PRH1: variants seen among roughly 807,000 people sequenced by gnomAD.
PRH1 encodes the protein proline rich protein HaeIII subfamily 1.
PRH1 carries 7 observed loss-of-function variants against 7.9 expected under a neutral mutation model. That is an observed-to-expected ratio of 0.89 (90% CI 0.50 to 1.67). The LOEUF is 1.67. Ranked by LOEUF, PRH1 falls within the 40% of genes most tolerant of loss-of-function variation. PRH1 has a pLI of 0.00. For synonymous variants in PRH1, 45 were observed against 80.8 expected (o/e 0.56, Z 2.38); for missense variants, 109 against 223.6 (o/e 0.49, Z 3.27).
At chr12:11,022,287 G>A in intron 1 of PRH1, 1 of 1,614,182 alleles carries the variant, frequency 6.2e-7, no homozygotes, top group Non-Finnish European at 8.5e-7. Context: ...CAAGCCACAT[G>A]CTGAAATGGT....
At position 10,941,200 on chromosome 12, in the gene PRH1, C is replaced by T. The variant is rs540449205; in HGVS notation, c.-59+32455G>A. Among the ~76,000 whole-genome samples the T allele has an allele frequency of 4.6e-5, 7 of 152,268 alleles. No individual in the cohort carries two copies. The South Asian group carries it at 8.3e-4, about 18-fold the overall frequency. ...TACTTTGAAAAGAGAGCAGAGCTCA[C>T]GTCTCCAGTGAGAGCTACAATAACC... On this transcript the variant is annotated intron_variant, in intron 2 of 3. Coordinates refer to the PRH1 transcript ENST00000539853.
upstream of PRH1, chr12:11,048,464 G>A: frequency 2.6e-6 from 1 of 389,578 alleles, no homozygotes; most frequent in Admixed American, 3.1e-5. Context: ...CCAAGAGTTT[G>A]GTAAAGCAGG....
chr12:11,168,368 AAAAGAAAGAAAGAAAG>A (rs199864169), intron 1 of PRH1, among the ~76,000 whole-genome samples: 4,188 of 36,032 alleles, frequency 0.12, 1,035 homozygotes, highest in Middle Eastern at 0.15. Context: ...GAAAAGAAAG[AAAAGAAAGAAAGAAAG>A]AAAGAAAGAA....
At chr12:11,006,544 G>T (rs1374756939) in intron 1 of PRH1, among the ~76,000 whole-genome samples, 2 of 151,678 alleles carry the variant, frequency 1.3e-5, no homozygotes, top group African/African-American at 4.8e-5. Flanking sequence ...CACCAAGCCT[G>T]CTAATTTTAA....
intron 1 of PRH1, among the ~76,000 whole-genome samples, chr12:11,080,425 T>C (rs1372590690): frequency 1.7e-5 from 2 of 117,044 alleles, no homozygotes; most frequent in Non-Finnish European, 4.1e-5. Flanking sequence ...TTATGAATAA[T>C]GCTACAATGA....
At chr12:10,917,567 A>G (rs1271125945) in intron 2 of PRH1, among the ~76,000 whole-genome samples, 1 of 152,186 alleles carries the variant, frequency 6.6e-6, no homozygotes, top group Non-Finnish European at 1.5e-5. Flanking sequence ...ATAACTTTCC[A>G]TATTCAAAAG....
At chr12:10,989,528 A>C (rs1939823661) in intron 1 of PRH1, among the ~76,000 whole-genome samples, 4 of 152,198 alleles carry the variant, frequency 2.6e-5, no homozygotes, top group Admixed American at 2.6e-4. Flanking sequence ...TTCCGAATTT[A>C]AATTAACTAA....
At chr12:10,931,057 C>T (rs1258093581) in intron 2 of PRH1, 4 of 1,580,212 alleles carry the variant, frequency 2.5e-6, no homozygotes, top group Non-Finnish European at 2.6e-6. Context: ...GCAGTCTCCT[C>T]AGTAATCTAG....
At chr12:11,099,256 C>A (rs1476008975) in intron 1 of PRH1, among the ~76,000 whole-genome samples, 1 of 152,088 alleles carries the variant, frequency 6.6e-6, no homozygotes, top group Non-Finnish European at 1.5e-5. Flanking sequence ...CTTCCTCTTT[C>A]CATTTACCAT....
intron 2 of PRH1, among the ~76,000 whole-genome samples, chr12:10,913,481 A>G (rs540745405): frequency 6.6e-6 from 1 of 152,268 alleles, no homozygotes; most frequent in South Asian, 2.1e-4. Context: ...TTTAGTATAT[A>G]TTAAAATGAT....
In PRH1 at chr12:10,882,478, AG is replaced by A; in HGVS notation, c.320del (p.Pro107LeufsTer90). ...GTGGTCCTTGTGGCTTTCCCTGAGG[AG>A]GTGGTGGACCTTGTTGCTGCTGGCC... Reference protein sequence around the residue: ...QGGQQQQGPPPPQGKPQGPPQ... With the variant: ...QGGQQQQGPPXPQGKPQGPPQ... On this transcript the variant is annotated frameshift_variant, in exon 3 of 4. Coordinates refer to ENST00000543626, the MANE Select transcript of PRH1 (RefSeq NM_001393989.1). LOFTEE classifies it low-confidence loss of function (END_TRUNC). The A allele has an allele frequency of 3.9e-6, 6 of 1,542,344 alleles. No individual in the cohort carries two copies. Among genetic ancestry groups the A allele is most frequent in the Non-Finnish European group, 5.2e-6 (6 of 1,143,194 alleles).
intron 1 of PRH1, among the ~76,000 whole-genome samples, chr12:11,153,004 C>A (rs773215397): frequency 6.6e-6 from 1 of 152,132 alleles, no homozygotes; most frequent in Non-Finnish European, 1.5e-5. Flanking sequence ...ATTCATGACC[C>A]TGTTTCCAAC....
At chr12:11,096,754 T>C (rs1436389056) in intron 1 of PRH1, among the ~76,000 whole-genome samples, 1 of 115,322 alleles carries the variant, frequency 8.7e-6, no homozygotes, top group Admixed American at 8.7e-5. Context: ...AGCTCCATCA[T>C]TCTATTCCAT....
At chr12:11,104,568 G>A (rs1945356755) in intron 1 of PRH1, among the ~76,000 whole-genome samples, 1 of 151,370 alleles carries the variant, frequency 6.6e-6, no homozygotes, top group Non-Finnish European at 1.5e-5. Flanking sequence ...CACTGTATAA[G>A]TATGCCACAA....
At chr12:10,953,973 A>G (rs1937821177) in intron 2 of PRH1, among the ~76,000 whole-genome samples, 1 of 152,196 alleles carries the variant, frequency 6.6e-6, no homozygotes, top group African/African-American at 2.4e-5. Flanking sequence ...ATTTTTTGAA[A>G]AAGAATGTCC....
At chr12:11,020,363 G>GATATATCTATATCTAT (rs1941545453) in intron 1 of PRH1, among the ~76,000 whole-genome samples, 1 of 87,584 alleles carries the variant, frequency 1.1e-5, no homozygotes, top group African/African-American at 3.9e-5. Flanking sequence ...TATGATAAGC[G>GATATATCTATATCTAT]ATATATATAT....
At chr12:11,154,482 A>T (rs189052933) in intron 1 of PRH1, among the ~76,000 whole-genome samples, 12 of 152,334 alleles carry the variant, frequency 7.9e-5, no homozygotes, top group Admixed American at 6.5e-4. Context: ...GTAAGAATAA[A>T]TGATTTCCAG....
intron 1 of PRH1, among the ~76,000 whole-genome samples, chr12:11,069,135 C>T (rs1943952566): frequency 6.7e-6 from 1 of 149,272 alleles, no homozygotes; most frequent in Non-Finnish European, 1.5e-5. Context: ...CTAGGTTGGT[C>T]TCCAATAATT....
chr12:11,019,657 TATATC>T (rs1326836502), intron 1 of PRH1, among the ~76,000 whole-genome samples: 1 of 152,286 alleles, frequency 6.6e-6, no homozygotes, highest in Non-Finnish European at 1.5e-5. Flanking sequence ...ATAATACAAA[TATATC>T]ATTCATAGTA....
Sources: allele counts gnomAD v4.1 joint callset (sites outside exome capture counted in the v4.1 genomes callset), GRCh38; gene constraint gnomAD v4.1.1; transcripts MANE v1.5; gene names NCBI Gene and HGNC (gene_info 2026-07-23, HGNC 2026-07-21).